The following NIM1K variants were observed in gnomAD, a reference collection of about 807,000 sequenced individuals.
NIM1K encodes NIM1 serine/threonine protein kinase.
NIM1K carries 35 observed loss-of-function variants against 37.1 expected under a neutral mutation model. The ratio of observed to expected loss-of-function variants is 0.94; its 90% CI spans 0.72 to 1.25. The LOEUF (loss-of-function observed/expected upper bound fraction) is 1.25, where lower values mean the gene tolerates loss of function less well. NIM1K is among the 50% of genes most tolerant of loss of function. NIM1K has a pLI of 0.00. For synonymous variants in NIM1K, 234 were observed against 206.6 expected, an observed-to-expected ratio of 1.13 and a Z score of -1.14; for missense variants, 564 against 548.0, an observed-to-expected ratio of 1.03 and a Z score of -0.29.
intron 1 of NIM1K, chr5:43,232,801 T>G (rs1752561674): frequency 9.3e-7 from 1 of 1,077,242 alleles, no homozygotes; most frequent in Admixed American, 1.8e-5. Context: ...TTCAGCCAGT[T>G]TACAAATTTG....
At chr5:43,228,061 G>A (rs899331352) in intron 1 of NIM1K, among the ~76,000 whole-genome samples, 10 of 152,064 alleles carry the variant, frequency 6.6e-5, no homozygotes, top group African/African-American at 2.2e-4. Context: ...TAATTTGGGG[G>A]AATCTCCCTC....
At chr5:43,238,640 A>C (rs1445772437) in intron 1 of NIM1K, among the ~76,000 whole-genome samples, 2 of 151,778 alleles carry the variant, frequency 1.3e-5, no homozygotes, top group Admixed American at 1.3e-4. Flanking sequence ...CTTGGTTGGA[A>C]GCTCCCTGCG....
chr5:43,247,184 C>T (rs1019869694), intron 2 of NIM1K, among the ~76,000 whole-genome samples: 4 of 152,130 alleles, frequency 2.6e-5, no homozygotes, highest in Admixed American at 6.5e-5. Context: ...CCCAAGTCAC[C>T]GGAGTTTCAC....
At chr5:43,239,308 C>G (rs975873403) in intron 1 of NIM1K, among the ~76,000 whole-genome samples, 1 of 151,990 alleles carries the variant, frequency 6.6e-6, no homozygotes, top group Non-Finnish European at 1.5e-5. Flanking sequence ...ACAATCTTGG[C>G]TCACTTGCAA....
chr5:43,275,755 C>CCT (rs1378787311), intron 2 of NIM1K, among the ~76,000 whole-genome samples: 7 of 152,120 alleles, frequency 4.6e-5, no homozygotes, highest in African/African-American at 1.4e-4. Context: ...ATCTGAACAT[C>CCT]ATGTTCATCC....
chr5:43,253,953 G>A (rs565876021), intron 2 of NIM1K, among the ~76,000 whole-genome samples: 33 of 152,258 alleles, frequency 2.2e-4, no homozygotes, highest in African/African-American at 7.2e-4. Context: ...GAGCCACTGC[G>A]CTCAGTCGTT....
intron 1 of NIM1K, among the ~76,000 whole-genome samples, chr5:43,216,450 TTTCATATC>T (rs1752300864): frequency 6.6e-6 from 1 of 152,216 alleles, no homozygotes; most frequent in South Asian, 2.1e-4. Context: ...GATGAGTGCG[TTTCATATC>T]TTTTGGTAGT....
At chr5:43,233,808 T>C (rs137909290) in intron 1 of NIM1K, among the ~76,000 whole-genome samples, 11 of 152,308 alleles carry the variant, frequency 7.2e-5, no homozygotes, top group Non-Finnish European at 1.3e-4. Flanking sequence ...TTTCCTAAAT[T>C]AGTTATTTCT....
In NIM1K at chr5:43,277,284, A is replaced by G; in HGVS notation, c.520A>G (p.Lys174Glu). The part of the protein sequence containing the change: ...TEGKLSEPES[K>E]LIFSQIVSAV... ...GGGGAAGCTCTCTGAACCAGAAAGC[A>G]AGCTCATCTTCTCCCAGATTGTGTC... Residue 174 changes from lysine (K) to glutamate (E), a missense_variant, in exon 3 of 4, where the codon AAG (lysine) becomes GAG (glutamate). Coordinates refer to ENST00000326035, the MANE Select transcript of NIM1K (RefSeq NM_153361.4). 2 of 1,614,084 alleles carry G rather than the reference A, an allele frequency of 1.2e-6. No homozygotes were observed. Among genetic ancestry groups the G allele is most frequent in the Non-Finnish European group, 1.7e-6 (2 of 1,180,000 alleles).
chr5:43,261,244 C>T (rs955345339), intron 2 of NIM1K, among the ~76,000 whole-genome samples: 15 of 152,290 alleles, frequency 9.8e-5, no homozygotes, highest in Admixed American at 1.3e-4. Flanking sequence ...AAAAGTGTTC[C>T]TATTTATCCA....
intron 2 of NIM1K, among the ~76,000 whole-genome samples, chr5:43,266,522 C>A (rs372099589): frequency 3.7e-4 from 56 of 152,212 alleles, no homozygotes; most frequent in Admixed American, 1.3e-4. Flanking sequence ...CTTCTGTCAT[C>A]ACTTCCCTTG....
chr5:43,280,410 C>T lies in NIM1K; in HGVS notation c.992C>T (p.Pro331Leu), dbSNP rs1383790145. 2 of 1,614,166 alleles carry T rather than the reference C, an allele frequency of 1.2e-6. No homozygotes were observed. The highest frequency in any genetic ancestry group is 1.7e-6 in the Non-Finnish European group (2 of 1,180,022). Residue 331 changes from proline (P) to leucine (L), a missense_variant, in exon 4 of 4, where the codon CCT (proline) becomes CTT (leucine). Physicochemically the swap from Pro to Leu is moderately conservative, Grantham distance 98. Transcript: ENST00000326035. ...GAATGGATGCAAGGGGTGCCATACC[C>T]TACACCTTTGGAACCTTTCCAACTG... is the stretch of plus-strand genomic sequence containing the variant. Reference protein sequence around the residue: ...NDEWMQGVPYPTPLEPFQLDP... With the variant: ...NDEWMQGVPYLTPLEPFQLDP...
intron 1 of NIM1K, among the ~76,000 whole-genome samples, chr5:43,236,065 G>A (rs1000239168): frequency 2.0e-5 from 3 of 152,026 alleles, no homozygotes; most frequent in African/African-American, 7.3e-5. Flanking sequence ...ACTCGAGACC[G>A]GGAGTTGCAG....
At chr5:43,248,463 A>G (rs772054874) in intron 2 of NIM1K, among the ~76,000 whole-genome samples, 1 of 152,206 alleles carries the variant, frequency 6.6e-6, no homozygotes, top group African/African-American at 2.4e-5. Flanking sequence ...TCAGGAATCT[A>G]TGGTGATGGT....
At position 43,256,145 on chromosome 5, in the gene NIM1K, T is replaced by C. The variant is rs142966540; in HGVS notation, c.292+10078T>C. ...TTTCACAGGAGCCATCAGAGGGAAC[T>C]GGGGAGTGACATGATCTGGCTTATG... is the stretch of plus-strand genomic sequence containing the variant. On this transcript the variant is annotated intron_variant, in intron 2 of 3. Coordinates refer to ENST00000326035, the MANE Select transcript of NIM1K (RefSeq NM_153361.4). Among the ~76,000 whole-genome samples, 884 of 152,164 alleles carry C rather than the reference T, an allele frequency of 5.8e-3. 8 individuals carry two copies. Among genetic ancestry groups the C allele is most frequent in the African/African-American group, 0.021 (856 of 41,542 alleles).
chr5:43,228,617 G>T (rs1752493768), intron 1 of NIM1K, among the ~76,000 whole-genome samples: 1 of 151,142 alleles, frequency 6.6e-6, no homozygotes, highest in Admixed American at 6.6e-5. Flanking sequence ...TTGAACCCAG[G>T]AATTCAAGAC....
intron 1 of NIM1K, among the ~76,000 whole-genome samples, chr5:43,231,435 T>C (rs1017346004): frequency 6.6e-6 from 1 of 152,188 alleles, no homozygotes; most frequent in African/African-American, 2.4e-5. Flanking sequence ...AGCCATCTCT[T>C]GGTTTAGCCC....
At chr5:43,199,202 A>ATAT in intron 1 of NIM1K, among the ~76,000 whole-genome samples, 1 of 98,056 alleles carries the variant, frequency 1.0e-5, no homozygotes, top group African/African-American at 3.8e-5. Context: ...AAAAAAAAAA[A>ATAT]AAATATATAT....
intron 1 of NIM1K, chr5:43,232,258 A>G (rs1752550847): frequency 2.8e-6 from 3 of 1,090,428 alleles, no homozygotes; most frequent in Non-Finnish European, 4.2e-6. Flanking sequence ...GGCAAGGCTC[A>G]CATTTCATCA....
Sources: gnomAD v4.1 joint callset for allele counts (sites outside exome capture counted in the v4.1 genomes callset) on GRCh38, gnomAD v4.1.1 for gene constraint, MANE v1.5 for transcripts, NCBI Gene and HGNC (gene_info 2026-07-23, HGNC 2026-07-21) for gene names.